The following RBFOX1 variants were observed in gnomAD, a reference collection of about 807,000 sequenced individuals.
RBFOX1 encodes RNA binding fox-1 homolog 1.
In RBFOX1, 8 loss-of-function variants were observed where a neutral mutation model predicts 57.7. The ratio of observed to expected loss-of-function variants is 0.14; its 90% CI spans 0.08 to 0.25. The LOEUF (loss-of-function observed/expected upper bound fraction) is 0.25. Ranked by LOEUF, RBFOX1 falls within the 10% of genes least tolerant of loss-of-function variation. The probability of loss-of-function intolerance (pLI) is 1.00; values close to 1 mark genes in which losing one functional copy is unlikely to be tolerated. For synonymous variants in RBFOX1, 326 were observed against 222.4 expected (o/e 1.47, Z -4.15); for missense variants, 611 against 548.5 (o/e 1.11, Z -1.14).
At chr16:6,085,108 G>A (rs919100730) in intron 1 of RBFOX1, among the ~76,000 whole-genome samples, 2 of 152,120 alleles carry the variant, frequency 1.3e-5, no homozygotes, top group African/African-American at 4.8e-5. Context: ...TGAGGGCGGG[G>A]AGTCTTTCCT....
intron 3 of RBFOX1, among the ~76,000 whole-genome samples, chr16:5,736,351 C>A (rs1342838763): frequency 2.0e-5 from 3 of 152,148 alleles, no homozygotes; most frequent in African/African-American, 7.2e-5. Flanking sequence ...GACCCCTCCT[C>A]CCATCTTTTT....
At chr16:5,817,302 G>T (rs899601497) in intron 3 of RBFOX1, among the ~76,000 whole-genome samples, 1 of 152,182 alleles carries the variant, frequency 6.6e-6, no homozygotes, top group Non-Finnish European at 1.5e-5. Context: ...CTTCTCCCCA[G>T]TTCCCCTCAC....
chr16:7,063,887 T>C (rs1431350379), intron 4 of RBFOX1, among the ~76,000 whole-genome samples: 1 of 152,204 alleles, frequency 6.6e-6, no homozygotes, highest in African/African-American at 2.4e-5. Flanking sequence ...CAAATATCAC[T>C]CCATTTTATA....
intron 4 of RBFOX1, among the ~76,000 whole-genome samples, chr16:7,376,351 C>T (rs1434544132): frequency 4.6e-5 from 7 of 152,122 alleles, no homozygotes; most frequent in Admixed American, 1.3e-4. Context: ...TATTTCATAT[C>T]GCTAATGTAT....
chr16:6,356,560 A>G (rs2087354553), intron 2 of RBFOX1, among the ~76,000 whole-genome samples: 3 of 152,210 alleles, frequency 2.0e-5, no homozygotes, highest in Non-Finnish European at 4.4e-5. Context: ...ATTGGGGGAC[A>G]TTCTGTAAAG....
chr16:7,179,136 G>C (rs193187549), intron 4 of RBFOX1, among the ~76,000 whole-genome samples: 2 of 151,894 alleles, frequency 1.3e-5, no homozygotes, highest in African/African-American at 2.4e-5. Context: ...GCATCCGGAG[G>C]GGTTAATATT....
intron 3 of RBFOX1, among the ~76,000 whole-genome samples, chr16:6,828,445 A>T (rs756621183): frequency 6.6e-6 from 1 of 151,764 alleles, no homozygotes; most frequent in African/African-American, 2.4e-5. Flanking sequence ...AATCACTTGA[A>T]CCCAGGAGGA....
At chr16:7,591,532 A>G (rs573851331) in intron 7 of RBFOX1, among the ~76,000 whole-genome samples, 1 of 152,210 alleles carries the variant, frequency 6.6e-6, no homozygotes, top group Admixed American at 6.5e-5. Flanking sequence ...ATTTTAAAGT[A>G]AGCAAGTCAC....
At chr16:6,364,641 A>G (rs2089236043) in intron 2 of RBFOX1, among the ~76,000 whole-genome samples, 1 of 152,228 alleles carries the variant, frequency 6.6e-6, no homozygotes, top group Non-Finnish European at 1.5e-5. Flanking sequence ...TTTGTGGTCC[A>G]TCTAGTTCTT....
At chr16:6,910,539 C>A (rs1042614677) in intron 3 of RBFOX1, among the ~76,000 whole-genome samples, 2 of 152,170 alleles carry the variant, frequency 1.3e-5, no homozygotes, top group South Asian at 4.1e-4. Flanking sequence ...TTCTGGAGGT[C>A]AGAAGTCCAA....
At chr16:5,274,001 C>G (rs1273820620) in intron 1 of RBFOX1, among the ~76,000 whole-genome samples, 1 of 152,158 alleles carries the variant, frequency 6.6e-6, no homozygotes, top group African/African-American at 2.4e-5. Flanking sequence ...TCCGGGTGTG[C>G]TGGAGGAAAA....
chr16:5,445,957 T>G (rs980351947), intron 1 of RBFOX1, among the ~76,000 whole-genome samples: 1 of 152,130 alleles, frequency 6.6e-6, no homozygotes, highest in Non-Finnish European at 1.5e-5. Context: ...GAACATTGAG[T>G]TTGAAGAATC....
intron 3 of RBFOX1, among the ~76,000 whole-genome samples, chr16:6,744,316 T>C (rs2073052565): frequency 3.3e-5 from 5 of 152,122 alleles, no homozygotes; most frequent in Admixed American, 1.3e-4. Context: ...TTATTAAATA[T>C]ATAGATTTGA....
chr16:5,480,708 TG>T (rs1430266859), intron 2 of RBFOX1, among the ~76,000 whole-genome samples: 6 of 152,340 alleles, frequency 3.9e-5, no homozygotes, highest in South Asian at 4.1e-4. Context: ...CACACTCTTT[TG>T]TGACTTGCTT....
At position 5,802,485 on chromosome 16, in the gene RBFOX1, G is replaced by C. The variant is rs9922028; in HGVS notation, c.319-64818G>C. On this transcript the variant is annotated intron_variant, in intron 3 of 19. Transcript: ENST00000641259. ...CCCTGGAAAGCTTAAAGTGATTCTT[G>C]GCCCTTCCCTCATCCCATCCTCTGC... is the stretch of plus-strand genomic sequence containing the variant. Among the ~76,000 whole-genome samples, 750 of 152,172 alleles carry C rather than the reference G, an allele frequency of 4.9e-3. 7 individuals are homozygous for C. The highest frequency in any genetic ancestry group is 0.017 in the African/African-American group (716 of 41,518).
At chr16:7,171,166 A>C (rs1182159278) in intron 4 of RBFOX1, among the ~76,000 whole-genome samples, 7 of 152,198 alleles carry the variant, frequency 4.6e-5, no homozygotes, top group African/African-American at 1.7e-4. Context: ...GCCAGTCGGC[A>C]ATTGGCGAGG....
At chr16:6,780,444 A>ATT (rs1475675320) in intron 3 of RBFOX1, among the ~76,000 whole-genome samples, 1 of 113,336 alleles carries the variant, frequency 8.8e-6, no homozygotes, top group African/African-American at 3.6e-5. Context: ...AGATATATTT[A>ATT]TATATACATT....
intron 2 of RBFOX1, among the ~76,000 whole-genome samples, chr16:6,645,355 A>C (rs2098525231): frequency 6.6e-6 from 1 of 151,894 alleles, no homozygotes; most frequent in African/African-American, 2.4e-5. Context: ...CTGGCTACTC[A>C]CTTCTAAATC....
chr16:7,554,177 C>G (rs1165397760), intron 5 of RBFOX1, among the ~76,000 whole-genome samples: 1 of 152,170 alleles, frequency 6.6e-6, no homozygotes, highest in Non-Finnish European at 1.5e-5. Flanking sequence ...GATGGGAAAA[C>G]TAACAGTTTC....
Sources: gnomAD v4.1 joint callset for allele counts (sites outside exome capture counted in the v4.1 genomes callset) on GRCh38, gnomAD v4.1.1 for gene constraint, MANE v1.5 for transcripts, NCBI Gene and HGNC (gene_info 2026-07-23, HGNC 2026-07-21) for gene names.